TRMT9B: variants seen among roughly 807,000 people sequenced by gnomAD.
TRMT9B encodes tRNA methyltransferase 9B (putative).
TRMT9B carries 16 observed loss-of-function variants against 11.5 expected under a neutral mutation model. That is an observed-to-expected ratio of 1.39 (90% CI 0.94 to 2.11). The LOEUF (loss-of-function observed/expected upper bound fraction) is 2.11, where lower values mean the gene tolerates loss of function less well. TRMT9B is among the 30% of genes most tolerant of loss of function. The probability of loss-of-function intolerance (pLI) is 0.00; values close to 1 mark genes in which losing one functional copy is unlikely to be tolerated. For synonymous variants in TRMT9B, 274 were observed against 192.4 expected (o/e 1.42, Z -3.51); for missense variants, 941 against 553.8 (o/e 1.70, Z -7.02).
chr8:13,023,475 G>C lies in TRMT9B; in HGVS notation c.*1431G>C, dbSNP rs1381464570. ...GGTTGAATTTCTGTCACTTTGTAGAGAAACGAATAGACTGGACACTGTGTG... is the reference window on the plus strand; with the variant it reads ...GGTTGAATTTCTGTCACTTTGTAGACAAACGAATAGACTGGACACTGTGTG... On this transcript the variant is annotated 3_prime_UTR_variant, in exon 5 of 5. Coordinates refer to ENST00000524591, the MANE Select transcript of TRMT9B (RefSeq NM_020844.3). 1.2e-5 allele frequency: 2 copies of C among 167,082 alleles called. No homozygotes were observed. Among genetic ancestry groups the C allele is most frequent in the Non-Finnish European group, 2.9e-5 (2 of 68,110 alleles). The allele number at this position is 167,082 out of a possible 1,614,324, so 10.3% of individuals were successfully genotyped here.
At chr8:12,992,191 C>T (rs1346435641) in intron 2 of TRMT9B, among the ~76,000 whole-genome samples, 1 of 152,112 alleles carries the variant, frequency 6.6e-6, no homozygotes, top group East Asian at 1.9e-4. Context: ...CTATCCTAGG[C>T]TCTATGATGT....
chr8:13,010,170 C>A (rs1243821393), intron 3 of TRMT9B: 8 of 731,460 alleles, frequency 1.1e-5, no homozygotes, highest in Non-Finnish European at 1.3e-5. Context: ...AAATAATATT[C>A]TTTAAATACC....
intron 4 of TRMT9B, among the ~76,000 whole-genome samples, chr8:13,016,430 G>A (rs1812720998): frequency 6.7e-6 from 1 of 148,748 alleles, no homozygotes; most frequent in Admixed American, 6.7e-5. Context: ...TATACTATGA[G>A]AAATTTCAAT....
At chr8:12,955,709 A>C (rs912663479) in intron 1 of TRMT9B, among the ~76,000 whole-genome samples, 1 of 152,210 alleles carries the variant, frequency 6.6e-6, no homozygotes, top group African/African-American at 2.4e-5. Flanking sequence ...GTTGCAGATA[A>C]TGGAAACTAT....
intron 1 of TRMT9B, among the ~76,000 whole-genome samples, chr8:12,978,204 T>A (rs563747426): frequency 2.6e-5 from 4 of 152,280 alleles, no homozygotes; most frequent in South Asian, 2.1e-4. Context: ...TTCCTGCTCA[T>A]CATCAAACAC....
In TRMT9B at chr8:13,029,635, C is replaced by T. The variant is rs1035475764; in HGVS notation, c.*7591C>T. ...ACACTTCAACAGAACGGGGCAAGTT[C>T]GTATTTGAATTCTGTTATATTTATC... On this transcript the variant is annotated 3_prime_UTR_variant, in exon 5 of 5. Transcript: ENST00000524591. The T allele has an allele frequency of 1.9e-5, 3 of 160,604 alleles. No homozygotes were observed. Among genetic ancestry groups the T allele is most frequent in the Non-Finnish European group, 4.4e-5 (3 of 68,076 alleles). 9.9% of individuals were successfully genotyped at this position (160,604 alleles called of 1,614,324 possible).
intron 3 of TRMT9B, chr8:13,012,143 A>C: frequency 1.0e-6 from 1 of 985,628 alleles, no homozygotes; most frequent in Non-Finnish European, 1.2e-6. Flanking sequence ...CACCTCATTA[A>C]ATATTCAATA....
Position 12,991,834 on chromosome 8 carries a change from G to C in TRMT9B, c.-2+803G>C, listed in dbSNP as rs563011889. 1.1e-3 allele frequency among the ~76,000 whole-genome samples: 169 copies of C among 152,272 alleles called. 1 individual carries two copies. Among genetic ancestry groups the C allele is most frequent in the African/African-American group, 3.7e-3 (154 of 41,548 alleles). On this transcript the variant is annotated intron_variant, in intron 2 of 4. Coordinates refer to ENST00000524591, the MANE Select transcript of TRMT9B (RefSeq NM_020844.3). ...TAATCCCAACTACTCGGGAGGCTGG[G>C]TTAGGAGAATTGCTTGAACCCAGGA... is the stretch of plus-strand genomic sequence containing the variant.
At position 13,011,740 on chromosome 8, in the gene TRMT9B, G is replaced by C. The variant is rs920563592; in HGVS notation, c.155-944G>C. ...TACTGGAAAGTGAATATCAAAAATT[G>C]TCTATTTAAGAAAAAAAGTAGTTTT... On this transcript the variant is annotated intron_variant, in intron 3 of 4. Transcript: ENST00000524591. The C allele has an allele frequency of 4.1e-6, 4 of 969,320 alleles. No individual in the cohort carries two copies. The African/African-American group carries it at 5.3e-5, about 13-fold the overall frequency. 60.0% of individuals were successfully genotyped at this position (969,320 alleles called of 1,614,324 possible).
At chr8:12,998,844 T>G (rs1031902479) in intron 2 of TRMT9B, among the ~76,000 whole-genome samples, 5 of 152,238 alleles carry the variant, frequency 3.3e-5, no homozygotes, top group African/African-American at 7.2e-5. Context: ...AGCTTTCCAG[T>G]GATCATTAAG....
chr8:13,011,707 G>C, intron 3 of TRMT9B: 4 of 977,506 alleles, frequency 4.1e-6, no homozygotes, highest in Non-Finnish European at 4.9e-6. Context: ...AATTACTTAG[G>C]TCTCTGCTAC....
rs373993239 is a variant in TRMT9B at position 12,993,435 on chromosome 8, T to C, written c.-2+2404T>C. Among the ~76,000 whole-genome samples the C allele has an allele frequency of 1.8e-4, 27 of 152,342 alleles. No homozygotes were observed. In the East Asian group the frequency reaches 2.5e-3, roughly 14 times the overall value. ...TACCTTTTACTGTAAGAATGTATTG[T>C]GTCTCCAGCCAAGTGGACATTAACA... On this transcript the variant is annotated intron_variant, in intron 2 of 4. Coordinates refer to ENST00000524591, the MANE Select transcript of TRMT9B (RefSeq NM_020844.3).
intron 1 of TRMT9B, among the ~76,000 whole-genome samples, chr8:12,964,137 CA>C (rs1160495309): frequency 2.0e-5 from 3 of 152,138 alleles, no homozygotes; most frequent in Non-Finnish European, 4.4e-5. Flanking sequence ...TAAGGAAACT[CA>C]AAAAGACTCG....
At chr8:12,983,053 G>T (rs112194075) in intron 1 of TRMT9B, among the ~76,000 whole-genome samples, 1 of 152,158 alleles carries the variant, frequency 6.6e-6, no homozygotes, top group East Asian at 1.9e-4. Context: ...TACTCAGTGT[G>T]GTCTTTTGCT....
intron 1 of TRMT9B, among the ~76,000 whole-genome samples, chr8:12,968,472 AAGAGCTACAT>A (rs1442585273): frequency 6.6e-6 from 1 of 152,222 alleles, no homozygotes; most frequent in Non-Finnish European, 1.5e-5. Context: ...ATTTGTTGTG[AAGAGCTACAT>A]AGTTTTAAAT....
chr8:12,984,403 C>T (rs1338350682), intron 1 of TRMT9B, among the ~76,000 whole-genome samples: 5 of 152,172 alleles, frequency 3.3e-5, no homozygotes, highest in Non-Finnish European at 5.9e-5. Flanking sequence ...CTTAATTCAG[C>T]CTTAGAAAAA....
In TRMT9B at chr8:12,980,130, A is replaced by G. The variant is rs555684113; in HGVS notation, c.-199-10704A>G. Among the ~76,000 whole-genome samples, 39 of 152,160 alleles carry G rather than the reference A, an allele frequency of 2.6e-4. 1 individual carries two copies. The highest frequency in any genetic ancestry group is 9.8e-4 in the Admixed American group (15 of 15,268). On this transcript the variant is annotated intron_variant, in intron 1 of 4. Transcript: ENST00000524591. ...AAGTGGGTGGCTGAAAACAACAGAA[A>G]TGTATTCTCTTGCAGCTCAGGAGGC...
At chr8:13,016,176 T>C (rs1182180038) in intron 4 of TRMT9B, among the ~76,000 whole-genome samples, 1 of 89,642 alleles carries the variant, frequency 1.1e-5, no homozygotes, top group Non-Finnish European at 2.3e-5. Context: ...TATAAACATA[T>C]ATAAATATAA....
intron 1 of TRMT9B, among the ~76,000 whole-genome samples, chr8:12,948,641 C>T (rs566605162): frequency 6.6e-6 from 1 of 151,604 alleles, no homozygotes; most frequent in South Asian, 2.1e-4. Context: ...CTAAGCAACA[C>T]ACAGTGAAGT....
Sources: allele counts gnomAD v4.1 joint callset (sites outside exome capture counted in the v4.1 genomes callset), GRCh38; gene constraint gnomAD v4.1.1; transcripts MANE v1.5; gene names NCBI Gene and HGNC (gene_info 2026-07-23, HGNC 2026-07-21).